ARMC3: variants seen among roughly 807,000 people sequenced by gnomAD.
The protein encoded by ARMC3 is armadillo repeat containing 3.
Under a neutral mutation model 90.3 loss-of-function variants are expected in ARMC3, and 74 were observed. The observed-to-expected ratio is 0.82, with a 90% CI of 0.68 to 0.99. ARMC3 has a LOEUF of 0.99. Ranked by LOEUF, ARMC3 falls within the 50% of genes least tolerant of loss-of-function variation. ARMC3 has a pLI of 0.00. For missense variants in ARMC3, 958 were observed against 1,042.8 expected, an observed-to-expected ratio of 0.92 and a Z score of 1.12; for synonymous variants, 334 against 361.8, an observed-to-expected ratio of 0.92 and a Z score of 0.87.
chr10:22,942,108 C>A (rs1834347521), intron 2 of ARMC3, among the ~76,000 whole-genome samples: 1 of 152,060 alleles, frequency 6.6e-6, no homozygotes, highest in African/African-American at 2.4e-5. Context: ...ATAGAACATG[C>A]AATCTAAGCA....
In ARMC3 at chr10:22,945,425, G is replaced by A. The variant is rs145182675; in HGVS notation, c.49-719G>A. On this transcript the variant is annotated intron_variant, in intron 2 of 18. Coordinates refer to ENST00000298032, the MANE Select transcript of ARMC3 (RefSeq NM_173081.5). ...AAGCCTCTATGTGCTATGAACAATAGTTCGTTTCAATTATGCATTTCAATA... is the reference window on the plus strand; with the variant it reads ...AAGCCTCTATGTGCTATGAACAATAATTCGTTTCAATTATGCATTTCAATA... 3.3e-3 allele frequency among the ~76,000 whole-genome samples: 504 copies of A among 152,282 alleles called. 2 individuals are homozygous for A. The highest frequency in any genetic ancestry group is 0.01 in the African/African-American group (430 of 41,556).
intron 18 of ARMC3, among the ~76,000 whole-genome samples, chr10:23,034,285 T>C (rs1443710830): frequency 6.6e-6 from 1 of 152,202 alleles, no homozygotes; most frequent in Admixed American, 6.5e-5. Context: ...CTCTGCAGTA[T>C]ATAAAGAGAA....
chr10:23,006,814 C>G (rs1320622945), intron 13 of ARMC3, 70 bp from the exon 14 acceptor site: 9 of 1,218,474 alleles, frequency 7.4e-6, no homozygotes, highest in Middle Eastern at 3.8e-4. Context: ...AGAATATATT[C>G]TATCTGTATT....
intron 7 of ARMC3, among the ~76,000 whole-genome samples, chr10:22,964,123 G>T (rs1303343687): frequency 6.6e-6 from 1 of 151,912 alleles, no homozygotes; most frequent in African/African-American, 2.4e-5. Context: ...CTATATGTGA[G>T]CAATGAACAA....
intron 16 of ARMC3, chr10:23,014,598 C>T: frequency 7.7e-6 from 5 of 652,246 alleles, no homozygotes; most frequent in Non-Finnish European, 9.5e-6. Context: ...GGTACATATA[C>T]ACCACGGAAT....
intron 16 of ARMC3, among the ~76,000 whole-genome samples, chr10:23,028,501 CATA>C (rs762085027): frequency 2.6e-5 from 4 of 152,128 alleles, no homozygotes; most frequent in Non-Finnish European, 5.9e-5. Context: ...TGGTTCTTCA[CATA>C]ATGAGTAATT....
chr10:22,973,745 TTGTC>T (rs1333089045), intron 8 of ARMC3, among the ~76,000 whole-genome samples: 15 of 147,690 alleles, frequency 1.0e-4, no homozygotes, highest in African/African-American at 2.3e-4. Flanking sequence ...AATTTTTTCT[TTGTC>T]TTTCTTTTTT....
At chr10:22,957,934 C>T (rs997002119) in intron 4 of ARMC3, among the ~76,000 whole-genome samples, 7 of 152,060 alleles carry the variant, frequency 4.6e-5, no homozygotes, top group East Asian at 1.9e-4. Flanking sequence ...TGGTGGCTCA[C>T]GCCTATAATC....
chr10:23,026,826 C>T (rs1321685749), intron 16 of ARMC3, among the ~76,000 whole-genome samples: 1 of 152,194 alleles, frequency 6.6e-6, no homozygotes, highest in Non-Finnish European at 1.5e-5. Flanking sequence ...TTCATCACCA[C>T]GTGGACCCTC....
intron 16 of ARMC3, 44 bp downstream of exon 16, chr10:23,008,975 G>A (rs375817365): frequency 3.3e-5 from 51 of 1,523,942 alleles, no homozygotes; most frequent in Non-Finnish European, 4.4e-5. Context: ...CCAGGCTGGT[G>A]GAAGGGAGGG....
intron 16 of ARMC3, among the ~76,000 whole-genome samples, chr10:23,029,523 G>A (rs1838839064): frequency 6.6e-6 from 1 of 152,100 alleles, no homozygotes; most frequent in South Asian, 2.1e-4. Context: ...CCAGTAAGAT[G>A]TTCATACTGG....
At chr10:22,957,206 T>G (rs1288994360) in intron 4 of ARMC3, among the ~76,000 whole-genome samples, 2 of 151,902 alleles carry the variant, frequency 1.3e-5, no homozygotes, top group Admixed American at 1.3e-4. Context: ...CCATTTTCCC[T>G]GGACCCCGTG....
intron 8 of ARMC3, among the ~76,000 whole-genome samples, chr10:22,975,128 T>G (rs1008865844): frequency 1.3e-5 from 2 of 152,240 alleles, no homozygotes; most frequent in Admixed American, 1.3e-4. Context: ...AGTTAAAATT[T>G]TTTTAAGGTA....
chr10:23,030,899 A>G (rs1361779956), intron 17 of ARMC3, 103 bp downstream of exon 17: 1 of 1,269,744 alleles, frequency 7.9e-7, no homozygotes, highest in Admixed American at 2.6e-5. Context: ...ATAAAATTGA[A>G]GTTTACAGCA....
At position 22,955,849 on chromosome 10, in the gene ARMC3, A is replaced by C; in HGVS notation, c.209A>C (p.Glu70Ala). The change falls in exon 4 of 19, where the codon GAA becomes GCA. Residue 70 changes from glutamate to alanine, a missense_variant. Coordinates refer to ENST00000298032, the MANE Select transcript of ARMC3 (RefSeq NM_173081.5). ...KTTLLELGAV[E>A]PLTKLLTHED... ...ACCCTCCTTGAACTTGGAGCTGTGGAACCTTTAACTAAGCTACTCACCCAT... is the reference window on the plus strand; with the variant it reads ...ACCCTCCTTGAACTTGGAGCTGTGGCACCTTTAACTAAGCTACTCACCCAT... The C allele has an allele frequency of 6.2e-7, 1 of 1,614,118 alleles. No individual in the cohort carries two copies. The highest frequency in any genetic ancestry group is 8.5e-7 in the Non-Finnish European group (1 of 1,179,968).
At chr10:23,020,925 C>G (rs567097866) in intron 16 of ARMC3, among the ~76,000 whole-genome samples, 116 of 152,284 alleles carry the variant, frequency 7.6e-4, no homozygotes, top group African/African-American at 2.6e-3. Flanking sequence ...CCAATACCAA[C>G]AGGTAGGTTT....
At chr10:22,959,268 T>C (rs1321063864) in intron 5 of ARMC3, 130 bp downstream of exon 5, 1 of 1,321,958 alleles carries the variant, frequency 7.6e-7, no homozygotes, top group African/African-American at 1.5e-5. Context: ...CAGCTCAATT[T>C]TGAGTTTATA....
intron 1 of ARMC3, among the ~76,000 whole-genome samples, chr10:22,928,956 G>C (rs1162508460): frequency 6.6e-6 from 1 of 152,224 alleles, no homozygotes; most frequent in Admixed American, 6.5e-5. Context: ...GCCAGGTACG[G>C]TGGCTCACGC....
At chr10:22,955,316 G>A (rs1384589522) in intron 3 of ARMC3, 1 of 145,448 alleles carries the variant, frequency 6.9e-6, no homozygotes, top group Non-Finnish European at 1.5e-5. Context: ...AAAAGGGCTA[G>A]AACTAATTAA....
Sources: allele counts gnomAD v4.1 joint callset (sites outside exome capture counted in the v4.1 genomes callset), GRCh38; gene constraint gnomAD v4.1.1; transcripts MANE v1.5; gene names NCBI Gene and HGNC (gene_info 2026-07-23, HGNC 2026-07-21).